The following MTMR12 variants were observed in gnomAD, a reference collection of about 807,000 sequenced individuals.
MTMR12 encodes the protein myotubularin related protein 12.
A neutral mutation model predicts 96.7 loss-of-function variants in MTMR12; 33 were observed. The ratio of observed to expected loss-of-function variants is 0.34; its 90% CI spans 0.26 to 0.46. MTMR12 has a LOEUF of 0.46. MTMR12 is among the 20% of genes least tolerant of loss of function. MTMR12 has a pLI of 1.00. For synonymous variants in MTMR12, 298 were observed against 327.2 expected, an observed-to-expected ratio of 0.91 and a Z score of 0.96; for missense variants, 721 against 896.1, an observed-to-expected ratio of 0.80 and a Z score of 2.49.
chr5:32,272,671 G>A (rs1037157965), intron 3 of MTMR12, among the ~76,000 whole-genome samples: 6 of 152,062 alleles, frequency 3.9e-5, no homozygotes, highest in African/African-American at 7.2e-5. Context: ...GAGCCACCGC[G>A]CGTGGTCCAG....
chr5:32,253,357 T>C (rs963554842), intron 8 of MTMR12, among the ~76,000 whole-genome samples: 2 of 152,206 alleles, frequency 1.3e-5, no homozygotes, highest in African/African-American at 4.8e-5. Context: ...ATTTCACCGA[T>C]TCCAAATATA....
At chr5:32,244,154 C>A in intron 10 of MTMR12, among the ~76,000 whole-genome samples, 1 of 152,056 alleles carries the variant, frequency 6.6e-6, no homozygotes, top group East Asian at 1.9e-4. Context: ...GTGGCTCATG[C>A]CTATAATCCC....
At chr5:32,239,325 C>A (rs889664159) in intron 12 of MTMR12, 152 bp from the exon 13 acceptor site, 1 of 791,856 alleles carries the variant, frequency 1.3e-6, no homozygotes, top group Non-Finnish European at 1.8e-6. Flanking sequence ...AAGGCAAGGG[C>A]CAATAACAAA....
In MTMR12 at chr5:32,312,771, T is replaced by A; in HGVS notation, c.68A>T (p.Tyr23Phe). Reference protein sequence around the residue: ...TKAPKPSFVSYVRPEEIHTNE... With the variant: ...TKAPKPSFVSFVRPEEIHTNE... The stretch of plus-strand genomic sequence containing the variant: ...GCGCCCCCTCACCTCAGGGCGTACG[T>A]ACGACACGAAGGAGGGCTTGGGGGC... Residue 23 changes from tyrosine (Y) to phenylalanine (F), a missense_variant, in exon 1 of 16, where the codon TAC (tyrosine) becomes TTC (phenylalanine). Transcript: ENST00000382142. This position sits in a 1 kb window ranked among gnomAD's most constrained non-coding sequence, Gnocchi z 5.0. The A allele has an allele frequency of 6.5e-7, 1 of 1,528,588 alleles. No homozygotes were observed. Among genetic ancestry groups the A allele is most frequent in the Non-Finnish European group, 8.8e-7 (1 of 1,140,654 alleles). 94.7% of individuals were successfully genotyped at this position (1,528,588 alleles called of 1,614,324 possible).
At chr5:32,299,055 G>GCA (rs1177859898) in intron 1 of MTMR12, among the ~76,000 whole-genome samples, 10 of 149,074 alleles carry the variant, frequency 6.7e-5, no homozygotes, top group South Asian at 2.1e-4. Context: ...ACATGAATGC[G>GCA]CACACACACA....
chr5:32,301,939 A>C (rs1046241144), intron 1 of MTMR12, among the ~76,000 whole-genome samples: 3 of 152,182 alleles, frequency 2.0e-5, no homozygotes, highest in Non-Finnish European at 4.4e-5. Flanking sequence ...AACTCTTAGC[A>C]AAAGCAAAAA....
chr5:32,262,767 G>A (rs1749416375), intron 7 of MTMR12, among the ~76,000 whole-genome samples: 1 of 152,166 alleles, frequency 6.6e-6, no homozygotes, highest in African/African-American at 2.4e-5. Context: ...ATGAGATTCT[G>A]ATACAAGCTG....
At position 32,312,528 on chromosome 5, in the gene MTMR12, A is replaced by T. The variant is rs988481841; in HGVS notation, c.81+230T>A. On this transcript the variant is annotated intron_variant, in intron 1 of 15. Coordinates refer to ENST00000382142, the MANE Select transcript of MTMR12 (RefSeq NM_001040446.3). This position sits in a 1 kb window ranked among gnomAD's most constrained non-coding sequence, Gnocchi z 5.0. The stretch of plus-strand genomic sequence containing the variant: ...GGCTCGGGCCCCTCCACCAGCCTCC[A>T]GCGCTCGGGCCCTGCGCTCAGGCAC... Among the ~76,000 whole-genome samples, 4 of 152,036 alleles carry T rather than the reference A, an allele frequency of 2.6e-5. No individual in the cohort carries two copies. The highest frequency in any genetic ancestry group is 9.7e-5 in the African/African-American group (4 of 41,404).
chr5:32,263,096 CA>C lies in MTMR12; in HGVS notation c.713+16del. The C allele has an allele frequency of 6.2e-7, 1 of 1,613,838 alleles. No individual in the cohort carries two copies. Among genetic ancestry groups the C allele is most frequent in the Non-Finnish European group, 8.5e-7 (1 of 1,179,842 alleles). The stretch of plus-strand genomic sequence containing the variant: ...ATGGGTGAATTGTACAGCATGTGCC[CA>C]GCATGGAAAGCTTACCTCTCACAGA... On this transcript the variant is annotated intron_variant, in intron 7 of 15. Coordinates refer to ENST00000382142, the MANE Select transcript of MTMR12 (RefSeq NM_001040446.3).
chr5:32,247,838 GA>G, intron 10 of MTMR12, 163 bp downstream of exon 10: 1 of 977,872 alleles, frequency 1.0e-6, no homozygotes, highest in Non-Finnish European at 1.2e-6. Flanking sequence ...GATGGAGAGG[GA>G]AGTGTGGTAA....
chr5:32,247,838 G>T, intron 10 of MTMR12, 164 bp downstream of exon 10: 1 of 977,872 alleles, frequency 1.0e-6, no homozygotes, highest in South Asian at 4.7e-5. Flanking sequence ...GATGGAGAGG[G>T]AAGTGTGGTA....
In MTMR12 at chr5:32,293,122, T is replaced by C. The variant is rs1186812171; in HGVS notation, c.82-16380A>G. On this transcript the variant is annotated intron_variant, in intron 1 of 15. Coordinates refer to ENST00000382142, the MANE Select transcript of MTMR12 (RefSeq NM_001040446.3). ...CTATTGTCTTTATTTGAAGATTATG[T>C]GTGATCTCAGGAGATGTGTATGGGT... 4.6e-5 allele frequency among the ~76,000 whole-genome samples: 7 copies of C among 152,324 alleles called. No individual in the cohort carries two copies. In the East Asian group the frequency reaches 1.2e-3, roughly 25 times the overall value.
At chr5:32,254,505 C>G (rs1298384422) in intron 8 of MTMR12, among the ~76,000 whole-genome samples, 1 of 152,138 alleles carries the variant, frequency 6.6e-6, no homozygotes, top group African/African-American at 2.4e-5. Flanking sequence ...CCAAAACATG[C>G]TTTTAAACAT....
Position 32,233,996 on chromosome 5 carries a change from C to T in MTMR12, c.1513-62G>A. 4 of 1,587,914 alleles carry T rather than the reference C, an allele frequency of 2.5e-6. No individual in the cohort carries two copies. The highest frequency in any genetic ancestry group is 1.7e-5 in the Admixed American group (1 of 58,348). ...GAGGGCTGAGGAAGGCAAACACATACTTCTGGACACAGGCACCAGGAAGCA... is the reference window on the plus strand; with the variant it reads ...GAGGGCTGAGGAAGGCAAACACATATTTCTGGACACAGGCACCAGGAAGCA... On this transcript the variant is annotated intron_variant, in intron 14 of 15. Transcript: ENST00000382142. This position sits in a 1 kb window ranked among gnomAD's most constrained non-coding sequence, Gnocchi z 5.0.
intron 14 of MTMR12, 114 bp from the exon 15 acceptor site, chr5:32,234,048 T>C: frequency 7.9e-7 from 1 of 1,258,740 alleles, no homozygotes; most frequent in South Asian, 1.4e-5. Context: ...TGAGAATGAA[T>C]AATCATGGGC....
In MTMR12 at chr5:32,228,532, ATGATATATATATCATATATATG is replaced by A. The variant is rs1439756274; in HGVS notation, c.*1224_*1245del. ...ATTAAAAAAAATATATATCATATAT[ATGATATATATATCATATATATG>A]TGATATATATATATCATATATATAT... On this transcript the variant is annotated 3_prime_UTR_variant, in exon 16 of 16. Coordinates refer to ENST00000382142, the MANE Select transcript of MTMR12 (RefSeq NM_001040446.3). 1.4e-5 allele frequency: 2 copies of A among 140,904 alleles called. No homozygotes were observed. The highest frequency in any genetic ancestry group is 2.2e-4 in the South Asian group (1 of 4,644). 8.7% of individuals were successfully genotyped at this position (140,904 alleles called of 1,614,324 possible). A position where few individuals can be genotyped will look rare whatever the true frequency, so the allele number is the denominator to read the frequency against.
At chr5:32,289,768 C>T (rs533875630) in intron 1 of MTMR12, among the ~76,000 whole-genome samples, 1 of 152,324 alleles carries the variant, frequency 6.6e-6, no homozygotes, top group South Asian at 2.1e-4. Context: ...CCCCCACATT[C>T]GTTCCCTAAC....
intron 7 of MTMR12, among the ~76,000 whole-genome samples, chr5:32,260,377 G>C (rs1358634491): frequency 2.0e-5 from 3 of 151,718 alleles, no homozygotes; most frequent in Non-Finnish European, 2.9e-5. Flanking sequence ...GGAGACCACG[G>C]AGCAGCGACT....
At position 32,229,770 on chromosome 5, in the gene MTMR12, C is replaced by T. The variant is rs368036723; in HGVS notation, c.*8G>A. On this transcript the variant is annotated 3_prime_UTR_variant, in exon 16 of 16. Transcript: ENST00000382142. Reference sequence around the variant, plus strand: ...ACATTCCTCTTTCACAATCACTCAACAAACAGGTCACACATCCCCTAGGTC... The same window carrying T: ...ACATTCCTCTTTCACAATCACTCAATAAACAGGTCACACATCCCCTAGGTC... 3 of 1,514,046 alleles carry T rather than the reference C, an allele frequency of 2.0e-6. No homozygotes were observed. The highest frequency in any genetic ancestry group is 2.7e-6 in the Non-Finnish European group (3 of 1,130,804). The allele number at this position is 1,514,046 out of a possible 1,614,324, so 93.8% of individuals were successfully genotyped here.
Sources: allele counts gnomAD v4.1 joint callset (sites outside exome capture counted in the v4.1 genomes callset), GRCh38; gene constraint gnomAD v4.1.1; non-coding constraint Gnocchi (gnomAD v3.1); transcripts MANE v1.5; gene names NCBI Gene and HGNC (gene_info 2026-07-23, HGNC 2026-07-21).